The following SVOPL variants were observed in gnomAD, a reference collection of about 807,000 sequenced individuals.
The protein encoded by SVOPL is SVOP like, also known as putative transporter SVOPL.
Under a neutral mutation model 61.0 loss-of-function variants are expected in SVOPL, and 60 were observed. The ratio of observed to expected loss-of-function variants is 0.98; its 90% CI spans 0.80 to 1.22. The LOEUF (loss-of-function observed/expected upper bound fraction) is 1.22, where lower values mean the gene tolerates loss of function less well. Among genes scored for constraint, SVOPL ranks in the 50% most tolerant of loss-of-function variants. The pLI, the probability that SVOPL is intolerant of heterozygous loss-of-function variation, is 0.00. For synonymous variants in SVOPL, 279 were observed against 250.0 expected, an observed-to-expected ratio of 1.12 and a Z score of -1.09; for missense variants, 662 against 643.9, an observed-to-expected ratio of 1.03 and a Z score of -0.30.
intron 1 of SVOPL, among the ~76,000 whole-genome samples, chr7:138,689,717 C>T (rs928277673): frequency 9.2e-5 from 14 of 151,820 alleles, no homozygotes; most frequent in African/African-American, 2.9e-4. Flanking sequence ...ATTAGCCGGG[C>T]ACGGTGGCGC....
intron 1 of SVOPL, among the ~76,000 whole-genome samples, chr7:138,693,523 G>GAAAGAA (rs1434893728): frequency 1.2e-5 from 1 of 82,500 alleles, no homozygotes; most frequent in African/African-American, 4.9e-5. Flanking sequence ...AAGAAGAAAA[G>GAAAGAA]AAAGAAAAAG....
At chr7:138,676,568 A>G (rs897349995) in intron 3 of SVOPL, among the ~76,000 whole-genome samples, 2 of 151,968 alleles carry the variant, frequency 1.3e-5, no homozygotes, top group Non-Finnish European at 2.9e-5. Flanking sequence ...ACACTATCTC[A>G]TTGGCATCAC....
intron 14 of SVOPL, among the ~76,000 whole-genome samples, chr7:138,606,190 A>G (rs1159824533): frequency 3.3e-5 from 5 of 152,152 alleles, no homozygotes; most frequent in Non-Finnish European, 7.3e-5. Context: ...TGGAAAATAA[A>G]TGGGCAATTA....
intron 14 of SVOPL, among the ~76,000 whole-genome samples, chr7:138,601,495 A>C (rs1323110809): frequency 2.6e-5 from 4 of 152,080 alleles, no homozygotes; most frequent in South Asian, 2.1e-4. Context: ...AAAAACTAAT[A>C]ATAAGAAGCC....
intron 13 of SVOPL, among the ~76,000 whole-genome samples, chr7:138,624,288 C>A (rs1177168085): frequency 6.6e-6 from 1 of 152,176 alleles, no homozygotes; most frequent in Non-Finnish European, 1.5e-5. Flanking sequence ...GCCCATAATT[C>A]TTTTATTTTG....
At chr7:138,666,137 A>C (rs919733838) in intron 4 of SVOPL, among the ~76,000 whole-genome samples, 1 of 152,222 alleles carries the variant, frequency 6.6e-6, no homozygotes, top group East Asian at 1.9e-4. Flanking sequence ...AAAATAACTT[A>C]TGTAGCCTTC....
chr7:138,596,351 C>T, intron 15 of SVOPL, 66 bp downstream of exon 15: 1 of 1,381,552 alleles, frequency 7.2e-7, no homozygotes. Context: ...TGCCCATATA[C>T]CAAGTTCATT....
chr7:138,659,473 C>T (rs988513290), intron 6 of SVOPL, among the ~76,000 whole-genome samples: 1 of 146,826 alleles, frequency 6.8e-6, no homozygotes, highest in African/African-American at 2.5e-5. Context: ...GCCTGAGCAA[C>T]AGAGCCAGAC....
At chr7:138,696,492 G>T (rs143944052) in intron 1 of SVOPL, among the ~76,000 whole-genome samples, 1 of 151,910 alleles carries the variant, frequency 6.6e-6, no homozygotes, top group Admixed American at 6.6e-5. Context: ...GTACAATCTC[G>T]GCTCACTGCA....
chr7:138,623,349 C>T lies in SVOPL; in HGVS notation c.1264-2214G>A, dbSNP rs531706484. Among the ~76,000 whole-genome samples, 12 of 152,180 alleles carry T rather than the reference C, an allele frequency of 7.9e-5. No homozygotes were observed. The East Asian group carries it at 1.5e-3, about 20-fold the overall frequency. On this transcript the variant is annotated intron_variant, in intron 13 of 15. Transcript: ENST00000674285. Reference sequence around the variant, plus strand: ...GGCACGGTGGCTCACGCCTGTAATCCGAGCACTTTGGGAGGCCGAGGCGGG... The same window carrying T: ...GGCACGGTGGCTCACGCCTGTAATCTGAGCACTTTGGGAGGCCGAGGCGGG...
At chr7:138,644,909 T>C (rs946188631) in intron 8 of SVOPL, 64 bp from the exon 9 acceptor site, 1 of 1,601,704 alleles carries the variant, frequency 6.2e-7, no homozygotes, top group Non-Finnish European at 8.5e-7. Context: ...GTACAGCTAT[T>C]ATTGCTCTAT....
rs768239203 is a variant in SVOPL, at chr7:138,672,077, GAC to G, written c.213_214del (p.Pro73CysfsTer5). 7 of 1,551,648 alleles carry G rather than the reference GAC, an allele frequency of 4.5e-6. No individual in the cohort carries two copies. The highest frequency in any genetic ancestry group is 6.1e-6 in the Non-Finnish European group (7 of 1,146,994). ...TTGCCATTCACAGCGGATGACAGGA[GAC>G]ACAACAGCTATCAACATGATCTCCA... On this transcript the variant is annotated frameshift_variant, in exon 4 of 16. Transcript: ENST00000674285. LOFTEE classifies it high-confidence loss of function.
intron 14 of SVOPL, among the ~76,000 whole-genome samples, chr7:138,618,562 AAGACAGG>A (rs1799403888): frequency 6.6e-6 from 1 of 152,010 alleles, no homozygotes; most frequent in African/African-American, 2.4e-5. Flanking sequence ...TCGGGAGGCT[AAGACAGG>A]AGAATTGCTT....
At chr7:138,622,186 C>CTATCTATCTATCTATG (rs1799670464) in intron 13 of SVOPL, among the ~76,000 whole-genome samples, 1 of 59,712 alleles carries the variant, frequency 1.7e-5, no homozygotes, top group African/African-American at 7.8e-5. Context: ...GTCTATGTAT[C>CTATCTATCTATCTATG]TATCTATCTA....
intron 4 of SVOPL, 24 bp downstream of exon 4, chr7:138,671,995 A>C (rs1319265044): frequency 1.3e-6 from 2 of 1,550,082 alleles, no homozygotes; most frequent in South Asian, 2.4e-5. Context: ...TGCTGTGTTC[A>C]CGGCACAGGG....
chr7:138,665,865 G>A (rs1584856737), intron 4 of SVOPL, among the ~76,000 whole-genome samples: 1 of 152,098 alleles, frequency 6.6e-6, no homozygotes, highest in South Asian at 2.1e-4. Flanking sequence ...TACCAAAATG[G>A]GATTGTAGGC....
intron 5 of SVOPL, 85 bp downstream of exon 5, chr7:138,662,989 C>T (rs1025510269): frequency 2.5e-5 from 40 of 1,588,374 alleles, no homozygotes; most frequent in Non-Finnish European, 3.3e-5. Flanking sequence ...GAGGGAGATG[C>T]CTACTAAAGA....
chr7:138,612,419 A>AT (rs1799079811), intron 14 of SVOPL, among the ~76,000 whole-genome samples: 1 of 131,362 alleles, frequency 7.6e-6, no homozygotes, highest in Non-Finnish European at 1.7e-5. Flanking sequence ...AAAAAAAAAA[A>AT]AAAATAAAAT....
chr7:138,660,312 T>C (rs12707391), intron 5 of SVOPL: 378,408 of 1,061,756 alleles, frequency 0.36, 67,578 homozygotes, highest in Middle Eastern at 0.42. Context: ...GGGGACGTAA[T>C]GAGGCAGTAT....
Sources: allele counts gnomAD v4.1 joint callset (sites outside exome capture counted in the v4.1 genomes callset), GRCh38; gene constraint gnomAD v4.1.1; transcripts MANE v1.5; gene names NCBI Gene and HGNC (gene_info 2026-07-23, HGNC 2026-07-21).